Variants in NF1 observed in about 807,000 individuals in gnomAD.
NF1 encodes the protein neurofibromin 1.
Under a neutral mutation model 325.7 loss-of-function variants are expected in NF1, and 122 were observed. The ratio of observed to expected loss-of-function variants is 0.37; its 90% confidence interval spans 0.32 to 0.44. The LOEUF (loss-of-function observed/expected upper bound fraction) is 0.44, where lower values mean the gene tolerates loss of function less well. NF1 is among the 20% of genes least tolerant of loss of function. NF1 has a pLI of 1.00. For synonymous variants in NF1, 1,091 were observed against 1,186.0 expected (o/e 0.92, Z 1.65); for missense variants, 2,140 against 3,415.4 (o/e 0.63, Z 9.31).
chr17:31,335,229 G>A (rs2069616254), intron 40 of NF1, among the ~76,000 whole-genome samples, 198 bp downstream of exon 40: 1 of 29,600 alleles, frequency 3.4e-5, no homozygotes, highest in South Asian at 1.3e-3. Context: ...ATGTCTCAGA[G>A]CCAGAGAAAA....
intron 36 of NF1, chr17:31,320,303 A>G (rs2069147588): frequency 3.9e-6 from 5 of 1,292,812 alleles, no homozygotes; most frequent in East Asian, 2.5e-5. Context: ...TACGTATGCT[A>G]TAGAAATTCT....
intron 36 of NF1, among the ~76,000 whole-genome samples, chr17:31,325,080 A>G (rs868657465): frequency 1.3e-5 from 2 of 152,156 alleles, no homozygotes; most frequent in South Asian, 2.1e-4. Flanking sequence ...GTTTTAAGCA[A>G]CATATGACCT....
chr17:31,217,869 G>A (rs567637016), intron 13 of NF1, among the ~76,000 whole-genome samples: 3 of 150,620 alleles, frequency 2.0e-5, no homozygotes, highest in South Asian at 4.2e-4. Context: ...GGAGGCTGAG[G>A]CAGGAGAATC....
intron 8 of NF1, among the ~76,000 whole-genome samples, chr17:31,184,352 G>A (rs2066192653): frequency 6.6e-6 from 1 of 152,148 alleles, no homozygotes; most frequent in Non-Finnish European, 1.5e-5. Flanking sequence ...GGACAAAGTG[G>A]TGAAAGAAAA....
Position 31,201,298 on chromosome 17 carries a change from A to C in NF1, c.1186-113A>C, listed in dbSNP as rs534690844. 9 of 1,481,284 alleles carry C rather than the reference A, an allele frequency of 6.1e-6. No individual in the cohort carries two copies. The East Asian group carries it at 2.0e-4, about 34-fold the overall frequency. 91.8% of individuals were successfully genotyped at this position (1,481,284 alleles called of 1,614,324 possible). The stretch of plus-strand genomic sequence containing the variant: ...ATTGATGTTCGTTTCAAGACCTTAA[A>C]AACTTAGTGTTTTTTTTTTAAACTT... On this transcript the variant is annotated intron_variant, in intron 10 of 57. Coordinates refer to ENST00000358273, the MANE Select transcript of NF1 (RefSeq NM_001042492.3).
chr17:31,206,038 T>C (rs2066613511), intron 11 of NF1, among the ~76,000 whole-genome samples: 1 of 152,176 alleles, frequency 6.6e-6, no homozygotes, highest in Non-Finnish European at 1.5e-5. Context: ...ATGCTCACTA[T>C]TATGTTTTAT....
rs868636708 is a variant in NF1 at position 31,374,686 on chromosome 17, T to C, written c.*531T>C. On this transcript the variant is annotated 3_prime_UTR_variant, in exon 58 of 58. Coordinates refer to ENST00000358273, the MANE Select transcript of NF1 (RefSeq NM_001042492.3). The stretch of plus-strand genomic sequence containing the variant: ...TAACCGTACAAAACTGAAAGAACCA[T>C]AGAGGTCAAGCCTCAGTGACTTGAC... The C allele has an allele frequency of 8.2e-6, 2 of 244,038 alleles. No homozygotes were observed. Among genetic ancestry groups the C allele is most frequent in the South Asian group, 2.8e-4 (2 of 7,100 alleles). The allele number at this position is 244,038 out of a possible 1,614,324, so 15.1% of individuals were successfully genotyped here. A position where few individuals can be genotyped will look rare whatever the true frequency, so the allele number is the denominator to read the frequency against.
chr17:31,360,901 AC>A (rs1400695736), intron 57 of NF1, 198 bp downstream of exon 57: 1 of 609,072 alleles, frequency 1.6e-6, no homozygotes, highest in Non-Finnish European at 2.9e-6. Context: ...TGTACATAAG[AC>A]AGTAAAATGT....
Position 31,156,054 on chromosome 17 carries a change from C to T in NF1, c.132C>T (p.Ile44=), listed in dbSNP as rs765778199. The part of the protein sequence containing the change: ...VSTEHNKECL[I]NISKYKFSLV... Reference sequence around the variant, plus strand: ...CTGAGCACAACAAGGAATGTCTAATCAATATTTCCAAATACAAGTTTTCTT... The same window carrying T: ...CTGAGCACAACAAGGAATGTCTAATTAATATTTCCAAATACAAGTTTTCTT... Residue 44 remains isoleucine (I), a synonymous_variant, in exon 2 of 58, where the codon ATC becomes ATT. Transcript: ENST00000358273. The T allele has an allele frequency of 6.2e-7, 1 of 1,613,006 alleles. No individual in the cohort carries two copies. Among genetic ancestry groups the T allele is most frequent in the Non-Finnish European group, 8.5e-7 (1 of 1,179,556 alleles).
intron 18 of NF1, 130 bp from the exon 19 acceptor site, chr17:31,227,088 A>G: frequency 1.1e-6 from 1 of 912,950 alleles, no homozygotes; most frequent in South Asian, 1.3e-5. Context: ...AGTGAAAGGA[A>G]GTTTTTGGCT....
At chr17:31,364,494 G>A (rs1257388082) in intron 57 of NF1, among the ~76,000 whole-genome samples, 1 of 152,154 alleles carries the variant, frequency 6.6e-6, no homozygotes, top group East Asian at 1.9e-4. Context: ...CAAAATAAGA[G>A]ATTCATGAAC....
chr17:31,281,670 T>C (rs947596463), intron 36 of NF1, among the ~76,000 whole-genome samples: 4 of 152,128 alleles, frequency 2.6e-5, no homozygotes, highest in African/African-American at 4.8e-5. Flanking sequence ...ACATTATCCT[T>C]TCCATTTAAT....
chr17:31,266,153 A>G (rs1373471819), intron 36 of NF1, among the ~76,000 whole-genome samples: 1 of 152,192 alleles, frequency 6.6e-6, no homozygotes, highest in African/African-American at 2.4e-5. Flanking sequence ...TTAGTTATAG[A>G]CTTAATCTTT....
chr17:31,258,260 C>T (rs1365487681), intron 31 of NF1, 84 bp from the exon 32 acceptor site: 4 of 1,464,148 alleles, frequency 2.7e-6, no homozygotes, highest in Admixed American at 1.7e-5. Flanking sequence ...AGTTTTTATG[C>T]AAAGTTTGAC....
chr17:31,306,797 TA>T (rs200513481), intron 36 of NF1, among the ~76,000 whole-genome samples: 2,091 of 138,888 alleles, frequency 0.015, 34 homozygotes, highest in African/African-American at 0.037. Flanking sequence ...TTTAGGAGAT[TA>T]AAAAAAAAAA....
chr17:31,310,194 A>G (rs774546785), intron 36 of NF1, among the ~76,000 whole-genome samples: 7 of 152,176 alleles, frequency 4.6e-5, no homozygotes, highest in Non-Finnish European at 1.0e-4. Context: ...AATATTGGGC[A>G]GGGGAATAAA....
chr17:31,165,027 G>A (rs893345553), intron 4 of NF1, among the ~76,000 whole-genome samples: 2 of 151,944 alleles, frequency 1.3e-5, no homozygotes, highest in Non-Finnish European at 2.9e-5. Context: ...CTGCTAGGCC[G>A]GCCTTACTAT....
In NF1 at chr17:31,163,390, T is replaced by A. The variant is rs747431601; in HGVS notation, c.479+14T>A. ...CATTTCTACCAGGTTAGTGTGTAAA[T>A]CCACATGGGACTACTGAAGTAATAT... On this transcript the variant is annotated intron_variant, in intron 4 of 57. Transcript: ENST00000358273. The A allele has an allele frequency of 6.2e-7, 1 of 1,611,954 alleles. No individual in the cohort carries two copies. The highest frequency in any genetic ancestry group is 1.3e-5 in the African/African-American group (1 of 74,980).
chr17:31,334,727 C>G, intron 39 of NF1, 111 bp from the exon 40 acceptor site: 1 of 819,854 alleles, frequency 1.2e-6, no homozygotes. Flanking sequence ...AGGCCTGATT[C>G]TAGGTAATAG....
Sources: allele counts gnomAD v4.1 joint callset (sites outside exome capture counted in the v4.1 genomes callset), GRCh38; gene constraint gnomAD v4.1.1; transcripts MANE v1.5; gene names NCBI Gene and HGNC (gene_info 2026-07-23, HGNC 2026-07-21).